Variants in MCF2L2 observed in about 807,000 individuals in gnomAD.
The protein encoded by MCF2L2 is MCF.2 cell line derived transforming sequence-like 2.
Under a neutral mutation model 150.2 loss-of-function variants are expected in MCF2L2, and 102 were observed. The ratio of observed to expected loss-of-function variants is 0.68; its 90% CI spans 0.58 to 0.80. The LOEUF is 0.80. Among genes scored for constraint, MCF2L2 ranks in the 30% least tolerant of loss-of-function variants. The probability of loss-of-function intolerance (pLI) is 0.00; values close to 1 mark genes in which losing one functional copy is unlikely to be tolerated. For missense variants in MCF2L2, 1,256 were observed against 1,372.8 expected (o/e 0.91, Z 1.34); for synonymous variants, 465 against 491.3 (o/e 0.95, Z 0.71).
rs924094356 is a variant in MCF2L2, at chr3:183,179,935, C to T, written c.3105+136G>A. ...GTTTGAGGGTCTGGTGACCTCGGCT[C>T]CCTGGCTTAACCAGGTCCTTATGGG... On this transcript the variant is annotated intron_variant, in intron 28 of 29. Coordinates refer to ENST00000328913, the MANE Select transcript of MCF2L2 (RefSeq NM_015078.4). This position sits in a 1 kb window ranked among gnomAD's most constrained non-coding sequence, Gnocchi z 4.2. 6.2e-6 allele frequency: 5 copies of T among 804,344 alleles called. No homozygotes were observed. The African/African-American group carries it at 8.6e-5, about 14-fold the overall frequency. The allele number at this position is 804,344 out of a possible 1,614,324, so 49.8% of individuals were successfully genotyped here.
chr3:183,329,796 C>T (rs866086749), intron 5 of MCF2L2, among the ~76,000 whole-genome samples: 1 of 152,318 alleles, frequency 6.6e-6, no homozygotes, highest in Middle Eastern at 3.4e-3. Flanking sequence ...TTACACAAAC[C>T]TAGATGGGAC....
At chr3:183,263,755 T>G (rs1035511452) in intron 15 of MCF2L2, among the ~76,000 whole-genome samples, 3 of 152,168 alleles carry the variant, frequency 2.0e-5, no homozygotes, top group African/African-American at 7.2e-5. Context: ...AATCAAATAC[T>G]CCTTCACTCC....
At chr3:183,364,437 G>C (rs542343073) in intron 3 of MCF2L2, among the ~76,000 whole-genome samples, 1 of 151,864 alleles carries the variant, frequency 6.6e-6, no homozygotes, top group Non-Finnish European at 1.5e-5. Context: ...GGAGAATGGC[G>C]TGAACCCAGG....
At chr3:183,407,965 G>A (rs1196162348) in intron 1 of MCF2L2, among the ~76,000 whole-genome samples, 1 of 152,132 alleles carries the variant, frequency 6.6e-6, no homozygotes, top group Non-Finnish European at 1.5e-5. Context: ...CAGTAAATTG[G>A]TGAGGGTAAG....
chr3:183,318,738 T>C (rs13434301), intron 6 of MCF2L2, among the ~76,000 whole-genome samples: 41,747 of 152,160 alleles, frequency 0.27, 7,451 homozygotes, highest in African/African-American at 0.51. Flanking sequence ...AATTCTTTTG[T>C]GTCCTAGTGC....
chr3:183,206,967 AAGGAAGGGAGGG>A (rs1394698192), intron 23 of MCF2L2, among the ~76,000 whole-genome samples: 353 of 13,676 alleles, frequency 0.026, 10 homozygotes, highest in Middle Eastern at 0.16. Flanking sequence ...GGAAGGAAGG[AAGGAAGGGAGGG>A]AGGGAGGGAG....
At chr3:183,191,529 G>A (rs924887222) in intron 27 of MCF2L2, among the ~76,000 whole-genome samples, 1 of 152,150 alleles carries the variant, frequency 6.6e-6, no homozygotes, top group African/African-American at 2.4e-5. Context: ...GTGGGAATAT[G>A]TTTCTATTCG....
intron 7 of MCF2L2, among the ~76,000 whole-genome samples, chr3:183,314,159 AGCCCAAGGT>A (rs1356784633): frequency 6.6e-6 from 1 of 152,340 alleles, no homozygotes; most frequent in African/African-American, 2.4e-5. Context: ...TTTATCATGA[AGCCCAAGGT>A]GCCCGCAATT....
intron 3 of MCF2L2, among the ~76,000 whole-genome samples, chr3:183,343,548 T>G (rs1730783199): frequency 6.6e-6 from 1 of 152,002 alleles, no homozygotes; most frequent in African/African-American, 2.4e-5. Flanking sequence ...TTTTTGTATT[T>G]TTAGCAGAGA....
intron 12 of MCF2L2, among the ~76,000 whole-genome samples, 174 bp from the exon 13 acceptor site, chr3:183,295,651 G>T (rs932525363): frequency 6.6e-6 from 1 of 151,916 alleles, no homozygotes; most frequent in Non-Finnish European, 1.5e-5. Flanking sequence ...CTCCAGAATT[G>T]GGTATCTAAG....
intron 27 of MCF2L2, among the ~76,000 whole-genome samples, chr3:183,184,335 A>C (rs1482740877): frequency 6.6e-6 from 1 of 152,172 alleles, no homozygotes; most frequent in African/African-American, 2.4e-5. Flanking sequence ...CAAAATTCTA[A>C]GTGATAGTTG....
At chr3:183,332,995 T>A (rs1225649978) in intron 5 of MCF2L2, among the ~76,000 whole-genome samples, 1 of 152,148 alleles carries the variant, frequency 6.6e-6, no homozygotes, top group African/African-American at 2.4e-5. Flanking sequence ...ATCCCTTGTC[T>A]AAGATGGCAA....
chr3:183,295,018 C>T (rs1728414022), intron 13 of MCF2L2, among the ~76,000 whole-genome samples: 1 of 152,178 alleles, frequency 6.6e-6, no homozygotes, highest in Non-Finnish European at 1.5e-5. Flanking sequence ...CCGCCACGGC[C>T]TCCCAAAGTG....
intron 25 of MCF2L2, among the ~76,000 whole-genome samples, chr3:183,198,381 A>T (rs1362039209): frequency 6.6e-6 from 1 of 152,204 alleles, no homozygotes; most frequent in Non-Finnish European, 1.5e-5. Context: ...AGAAAATGCA[A>T]ACTAACCTAT....
At chr3:183,358,946 T>C (rs1711957636) in intron 3 of MCF2L2, among the ~76,000 whole-genome samples, 1 of 151,890 alleles carries the variant, frequency 6.6e-6, no homozygotes, top group Non-Finnish European at 1.5e-5. Context: ...AAAGATAACA[T>C]TAAATGTTAA....
chr3:183,333,539 A>G (rs186977693), intron 5 of MCF2L2, among the ~76,000 whole-genome samples: 1 of 152,312 alleles, frequency 6.6e-6, no homozygotes, highest in Admixed American at 6.5e-5. Context: ...TATCTTGTGT[A>G]TCCTTCTCAA....
At chr3:183,233,412 GTA>G (rs530943436) in intron 15 of MCF2L2, among the ~76,000 whole-genome samples, 7 of 151,044 alleles carry the variant, frequency 4.6e-5, no homozygotes, top group Non-Finnish European at 8.8e-5. Context: ...GTGTGTGTGT[GTA>G]TATATATATA....
intron 22 of MCF2L2, among the ~76,000 whole-genome samples, chr3:183,212,482 T>C (rs1722767760): frequency 6.6e-6 from 1 of 152,110 alleles, no homozygotes; most frequent in South Asian, 2.1e-4. Flanking sequence ...CAAAATCAAT[T>C]AGTAAATGCT....
intron 1 of MCF2L2, among the ~76,000 whole-genome samples, chr3:183,401,642 T>C (rs1320163455): frequency 6.6e-6 from 1 of 152,202 alleles, no homozygotes; most frequent in Non-Finnish European, 1.5e-5. Flanking sequence ...CTTTTTTCGA[T>C]AGAGACTAGT....
Sources: gnomAD v4.1 joint callset for allele counts (sites outside exome capture counted in the v4.1 genomes callset) on GRCh38, gnomAD v4.1.1 for gene constraint, Gnocchi (gnomAD v3.1) non-coding constraint, MANE v1.5 for transcripts, NCBI Gene and HGNC (gene_info 2026-07-23, HGNC 2026-07-21) for gene names.